Variants in RNF114 observed in about 807,000 individuals in gnomAD.
The protein encoded by RNF114 is ring finger protein 114.
Under a neutral mutation model 28.4 loss-of-function variants are expected in RNF114, and 6 were observed. The ratio of observed to expected loss-of-function variants is 0.21; its 90% CI spans 0.12 to 0.42. The LOEUF is 0.42. Among genes scored for constraint, RNF114 ranks in the 10% least tolerant of loss-of-function variants. RNF114 has a pLI of 1.00. For missense variants in RNF114, 249 were observed against 311.7 expected, an observed-to-expected ratio of 0.80 and a Z score of 1.51; for synonymous variants, 115 against 116.7, an observed-to-expected ratio of 0.99 and a Z score of 0.09.
At chr20:49,945,672 T>C (rs543770049) in intron 3 of RNF114, among the ~76,000 whole-genome samples, 184 bp downstream of exon 3, 52 of 152,144 alleles carry the variant, frequency 3.4e-4, no homozygotes, top group Non-Finnish European at 5.3e-4. Context: ...CTATATTCTT[T>C]TTTTCTTTTT....
Position 49,952,961 on chromosome 20 carries a change from C to T in RNF114, c.*820C>T. ...GTTTCAAACAACGCGGTCATGTTTA[C>T]CTCTCCATTTGGGAGCCTGCCTACA... On this transcript the variant is annotated 3_prime_UTR_variant, in exon 6 of 6. Transcript: ENST00000244061. 1 of 152,414 alleles carries T rather than the reference C, an allele frequency of 6.6e-6. No homozygotes were observed. 9.4% of individuals were successfully genotyped at this position (152,414 alleles called of 1,614,324 possible).
Position 49,952,147 on chromosome 20 carries a change from G to GTTTGCTATCTGTGCTTGCTA in RNF114, c.*7_*8insTTGCTATCTGTGCTTGCTAT. 6.2e-7 allele frequency: 1 copy of GTTTGCTATCTGTGCTTGCTA among 1,612,416 alleles called. No homozygotes were observed. The highest frequency in any genetic ancestry group is 1.1e-5 in the South Asian group (1 of 91,048). On this transcript the variant is annotated 3_prime_UTR_variant, in exon 6 of 6. Transcript: ENST00000244061. ...GCTCCATCATCGACCAGTGAGCAGA[G>GTTTGCTATCTGTGCTTGCTA]TCCGTGCTTGCTATCTGTCTCATGT... is the stretch of plus-strand genomic sequence containing the variant.
chr20:49,939,016 T>G (rs2090297513), intron 1 of RNF114, among the ~76,000 whole-genome samples: 1 of 152,204 alleles, frequency 6.6e-6, no homozygotes, highest in African/African-American at 2.4e-5. Context: ...CCCCAAGGTC[T>G]GCCTGCCTTC....
chr20:49,941,953 C>A, intron 2 of RNF114: 1 of 469,278 alleles, frequency 2.1e-6, no homozygotes. Context: ...AATCAGTTAT[C>A]CCAGTTTTTT....
At chr20:49,936,798 C>T (rs891421127) in intron 1 of RNF114, among the ~76,000 whole-genome samples, 1 of 151,956 alleles carries the variant, frequency 6.6e-6, no homozygotes, top group Non-Finnish European at 1.5e-5. Flanking sequence ...TGAGCGCCTG[C>T]GATGTTCCAG....
At chr20:49,946,317 C>T (rs765096002) in intron 4 of RNF114, 67 bp downstream of exon 4, 32 of 814,454 alleles carry the variant, frequency 3.9e-5, no homozygotes, top group Middle Eastern at 2.8e-4. Flanking sequence ...AGAAAAATGA[C>T]GGGATTAGTA....
intron 2 of RNF114, chr20:49,944,372 CT>C (rs2090320533): frequency 6.6e-6 from 1 of 152,194 alleles, no homozygotes; most frequent in Admixed American, 6.6e-5. Context: ...CCATGATGGG[CT>C]TTTTGTTTGT....
intron 4 of RNF114, among the ~76,000 whole-genome samples, chr20:49,946,946 A>C: frequency 6.6e-6 from 1 of 151,508 alleles, no homozygotes; most frequent in Non-Finnish European, 1.5e-5. Flanking sequence ...TAGGCTGGGC[A>C]CGGTGGCTCA....
intron 4 of RNF114, 91 bp from the exon 5 acceptor site, chr20:49,949,157 G>C: frequency 2.0e-6 from 2 of 1,005,980 alleles, no homozygotes; most frequent in Non-Finnish European, 3.2e-6. Context: ...CAGGAAAGCT[G>C]TCCTGGAAGA....
At chr20:49,950,116 G>C (rs1419301730) in intron 5 of RNF114, among the ~76,000 whole-genome samples, 1 of 152,162 alleles carries the variant, frequency 6.6e-6, no homozygotes, top group Non-Finnish European at 1.5e-5. Flanking sequence ...GCCAGGTGTG[G>C]TGGTGGGCAC....
intron 4 of RNF114, among the ~76,000 whole-genome samples, chr20:49,947,779 T>TG: frequency 4.4e-5 from 1 of 22,832 alleles, no homozygotes; most frequent in Non-Finnish European, 7.6e-5. Context: ...GTTTTTTTTT[T>TG]TTTTTTTTTT....
At chr20:49,938,655 G>T (rs1318767979) in intron 1 of RNF114, among the ~76,000 whole-genome samples, 1 of 152,182 alleles carries the variant, frequency 6.6e-6, no homozygotes, top group Admixed American at 6.5e-5. Context: ...GCATCGGAAG[G>T]CTGAACTAGA....
At chr20:49,936,655 G>C in intron 1 of RNF114, 103 bp downstream of exon 1, 1 of 1,418,784 alleles carries the variant, frequency 7.0e-7, no homozygotes, top group Non-Finnish European at 9.3e-7. Context: ...GACCCACCCA[G>C]AGGGGCCTCC....
chr20:49,949,977 C>T (rs1231359632), intron 5 of RNF114, among the ~76,000 whole-genome samples: 2 of 143,154 alleles, frequency 1.4e-5, no homozygotes, highest in Non-Finnish European at 3.1e-5. Context: ...CTGGGCTGGG[C>T]GCAGTGGCTC....
Position 49,953,520 on chromosome 20 carries a change from A to G in RNF114, c.*1379A>G, listed in dbSNP as rs1437032859. The G allele has an allele frequency of 6.6e-6, 1 of 152,146 alleles. No individual in the cohort carries two copies. The highest frequency in any genetic ancestry group is 2.4e-5 in the African/African-American group (1 of 41,434). The allele number at this position is 152,146 out of a possible 1,614,324, so 9.4% of individuals were successfully genotyped here. A position where few individuals can be genotyped will look rare whatever the true frequency, so the allele number is the denominator to read the frequency against. On this transcript the variant is annotated 3_prime_UTR_variant, in exon 6 of 6. Coordinates refer to ENST00000244061, the MANE Select transcript of RNF114 (RefSeq NM_018683.4). ...TGTGGGGCTCCGCGCCTGCCGGTGA[A>G]GAGCTGCAGATGCCGAGAAGCCAGC...
chr20:49,946,649 T>A (rs2090332588), intron 4 of RNF114, among the ~76,000 whole-genome samples: 1 of 152,118 alleles, frequency 6.6e-6, no homozygotes, highest in Non-Finnish European at 1.5e-5. Context: ...TCATAGCAAT[T>A]TCCCCCTCCC....
At chr20:49,945,209 A>G in intron 2 of RNF114, 173 bp from the exon 3 acceptor site, 1 of 555,346 alleles carries the variant, frequency 1.8e-6, no homozygotes, top group East Asian at 3.0e-5. Flanking sequence ...CTTGGTATTA[A>G]TGGGAAATCT....
At chr20:49,941,448 G>C in intron 1 of RNF114, 113 bp from the exon 2 acceptor site, 7 of 1,195,424 alleles carry the variant, frequency 5.9e-6, no homozygotes, top group Non-Finnish European at 6.9e-6. Context: ...TGGGAGGAGA[G>C]AGCAAGTTGT....
intron 1 of RNF114, 29 bp from the exon 2 acceptor site, chr20:49,941,532 A>G: frequency 6.4e-7 from 1 of 1,551,016 alleles, no homozygotes. Context: ...ATGATGCGTG[A>G]CAGAGGTTCT....
Sources: allele counts gnomAD v4.1 joint callset (sites outside exome capture counted in the v4.1 genomes callset), GRCh38; gene constraint gnomAD v4.1.1; transcripts MANE v1.5; gene names NCBI Gene and HGNC (gene_info 2026-07-23, HGNC 2026-07-21).